Variants in NMBR observed in about 807,000 individuals in gnomAD.
NMBR encodes neuromedin B receptor.
A neutral mutation model predicts 20.5 loss-of-function variants in NMBR; 16 were observed. That is an observed-to-expected ratio of 0.78 (90% CI 0.53 to 1.19). The LOEUF (loss-of-function observed/expected upper bound fraction) is 1.19, where lower values mean the gene tolerates loss of function less well. NMBR is among the 50% of genes most tolerant of loss of function. NMBR has a pLI of 0.00. For synonymous variants in NMBR, 212 were observed against 196.6 expected (o/e 1.08, Z -0.65); for missense variants, 582 against 499.1 (o/e 1.17, Z -1.58).
At chr6:142,132,087 T>C (rs1778152992) in intron 1 of NMBR, among the ~76,000 whole-genome samples, 1 of 152,214 alleles carries the variant, frequency 6.6e-6, no homozygotes, top group Non-Finnish European at 1.5e-5. Flanking sequence ...TCCAGCACAG[T>C]ACTCCTATTC....
rs2114616149 is a variant in NMBR at position 142,142,266 on chromosome 6, GA to G, written c.-664+4777del. On this transcript the variant is annotated intron_variant, in intron 1 of 3. Coordinates refer to ENST00000258042, the MANE Select transcript of NMBR (RefSeq NM_002511.4). ...TGGTGAATTCCACTAAATGTTTAAG[GA>G]AGAAATAATACTCCAAAATCTTTTT... Among the ~76,000 whole-genome samples, 2 of 152,262 alleles carry G rather than the reference GA, an allele frequency of 1.3e-5. 1 individual carries two copies. Among genetic ancestry groups the G allele is most frequent in the East Asian group, 3.9e-4 (2 of 5,188 alleles).
At chr6:142,116,152 G>T (rs2114593857) in intron 1 of NMBR, among the ~76,000 whole-genome samples, 1 of 151,960 alleles carries the variant, frequency 6.6e-6, no homozygotes, top group East Asian at 1.9e-4. Flanking sequence ...ATTTGGTACT[G>T]TAAGTCCAAT....
intron 1 of NMBR, among the ~76,000 whole-genome samples, chr6:142,115,543 T>A (rs1318172333): frequency 6.6e-6 from 1 of 152,010 alleles, no homozygotes; most frequent in Non-Finnish European, 1.5e-5. Flanking sequence ...GGATTATTAC[T>A]CTGGTGCTGG....
chr6:142,091,500 T>C (rs539807822), intron 1 of NMBR, among the ~76,000 whole-genome samples: 12 of 152,276 alleles, frequency 7.9e-5, no homozygotes, highest in African/African-American at 1.9e-4. Flanking sequence ...TCTATAATTA[T>C]AGGCATGAGC....
At chr6:142,109,049 A>G (rs111678212) in intron 1 of NMBR, among the ~76,000 whole-genome samples, 2 of 152,304 alleles carry the variant, frequency 1.3e-5, no homozygotes, top group African/African-American at 4.8e-5. Flanking sequence ...ACCTCAGCTG[A>G]TGCATGAGGT....
rs370515994 is a variant in NMBR, at chr6:142,078,747, G to C, written c.579C>G (p.Ser193Arg). Residue 193 changes from serine to arginine, a missense_variant, in exon 3 of 4, where the codon AGC becomes AGG. Ser to Arg is a moderately radical substitution (Grantham distance 110). Coordinates refer to ENST00000258042, the MANE Select transcript of NMBR (RefSeq NM_002511.4). ...GGTATGGGATACATGCTGTGAAGCT[G>C]CTATTATCCAAGCTACTGATGCGAG... is the stretch of plus-strand genomic sequence containing the variant. ...EVARISSLDN[S>R]SFTACIPYPQ... The C allele has an allele frequency of 6.2e-7, 1 of 1,613,890 alleles. No individual in the cohort carries two copies. Among genetic ancestry groups the C allele is most frequent in the Non-Finnish European group, 8.5e-7 (1 of 1,180,010 alleles).
At chr6:142,090,828 A>G (rs1682032660) in intron 1 of NMBR, among the ~76,000 whole-genome samples, 1 of 151,816 alleles carries the variant, frequency 6.6e-6, no homozygotes, top group African/African-American at 2.4e-5. Context: ...CATATTTTAT[A>G]TAAAAATATA....
intron 1 of NMBR, among the ~76,000 whole-genome samples, chr6:142,108,420 T>C (rs1777697794): frequency 6.6e-6 from 1 of 152,138 alleles, no homozygotes; most frequent in African/African-American, 2.4e-5. Context: ...TGAGATTAGG[T>C]AATTTATAAA....
chr6:142,093,145 A>G (rs1042920006), intron 1 of NMBR, among the ~76,000 whole-genome samples: 4 of 151,200 alleles, frequency 2.6e-5, no homozygotes, highest in African/African-American at 4.9e-5. Flanking sequence ...AAACTTAAGA[A>G]TTTTTTTTCT....
chr6:142,146,682 A>G (rs542324887), intron 1 of NMBR, among the ~76,000 whole-genome samples: 5 of 152,360 alleles, frequency 3.3e-5, no homozygotes, highest in African/African-American at 9.6e-5. Context: ...CAAAAGTTCA[A>G]TCTTCTTTAA....
intron 1 of NMBR, among the ~76,000 whole-genome samples, chr6:142,142,041 C>G (rs1778370594): frequency 1.3e-5 from 2 of 152,022 alleles, no homozygotes. Flanking sequence ...TGTAGTAAAA[C>G]CTTGAAGCGA....
chr6:142,105,006 G>A (rs957888993), intron 1 of NMBR, among the ~76,000 whole-genome samples: 10 of 152,082 alleles, frequency 6.6e-5, no homozygotes, highest in South Asian at 2.1e-4. Context: ...TCTCAAGGGC[G>A]GGAAGAATAT....
chr6:142,105,779 T>A (rs1025671418), intron 1 of NMBR, among the ~76,000 whole-genome samples: 2 of 152,140 alleles, frequency 1.3e-5, no homozygotes, highest in Non-Finnish European at 2.9e-5. Flanking sequence ...AGAAAGCAAT[T>A]TTGAACTGTT....
chr6:142,126,261 C>CTCTCTCTG (rs763551613), intron 1 of NMBR, among the ~76,000 whole-genome samples: 46 of 149,284 alleles, frequency 3.1e-4, no homozygotes, highest in African/African-American at 9.4e-4. Flanking sequence ...CTCTCTCTCT[C>CTCTCTCTG]TGTGTGTGTG....
chr6:142,131,624 G>A (rs1461701438), intron 1 of NMBR, among the ~76,000 whole-genome samples: 1 of 152,096 alleles, frequency 6.6e-6, no homozygotes, highest in Admixed American at 6.6e-5. Context: ...TCCCTCCTCA[G>A]CCTAATCTTT....
intron 1 of NMBR, among the ~76,000 whole-genome samples, chr6:142,124,844 A>G (rs760900685): frequency 6.6e-6 from 1 of 151,924 alleles, no homozygotes; most frequent in Non-Finnish European, 1.5e-5. Flanking sequence ...GTATGGTTAT[A>G]AGAATTAGAA....
intron 1 of NMBR, among the ~76,000 whole-genome samples, chr6:142,118,231 G>A (rs1777886004): frequency 1.3e-5 from 2 of 151,894 alleles, no homozygotes; most frequent in African/African-American, 4.8e-5. Context: ...AAAAACCTGA[G>A]CATGTTGAAT....
intron 1 of NMBR, chr6:142,133,292 C>A: frequency 2.0e-6 from 1 of 506,910 alleles, no homozygotes; most frequent in South Asian, 3.3e-5. Context: ...TTCTCTACAT[C>A]TATGGAGAAT....
chr6:142,119,811 T>C (rs1273021648), intron 1 of NMBR, among the ~76,000 whole-genome samples: 2 of 151,942 alleles, frequency 1.3e-5, no homozygotes, highest in Admixed American at 1.3e-4. Context: ...AGAATTTTAC[T>C]AAACAACCCA....
Sources: allele counts gnomAD v4.1 joint callset (sites outside exome capture counted in the v4.1 genomes callset), GRCh38; gene constraint gnomAD v4.1.1; transcripts MANE v1.5; gene names NCBI Gene and HGNC (gene_info 2026-07-23, HGNC 2026-07-21).